The following LRRC53 variants were observed in gnomAD, a reference collection of about 807,000 sequenced individuals.
LRRC53 encodes leucine rich repeat containing 53, also known as leucine-rich repeat-containing protein 53.
LRRC53 carries 25 observed loss-of-function variants against 13.6 expected under a neutral mutation model. That is an observed-to-expected ratio of 1.83 (90% confidence interval 1.34 to 2.56). The LOEUF (loss-of-function observed/expected upper bound fraction) is 2.56. Among genes scored for constraint, LRRC53 ranks in the 30% most tolerant of loss-of-function variants. LRRC53 has a pLI of 0.00. For missense variants in LRRC53, 527 were observed against 275.8 expected (o/e 1.91, Z -6.45); for synonymous variants, 204 against 109.8 (o/e 1.86, Z -5.37).
chr1:74,532,733 C>T, the LRRC53 span, among the ~76,000 whole-genome samples: 1 of 150,110 alleles, frequency 6.7e-6, no homozygotes, highest in African/African-American at 2.5e-5. Context: ...ATCAATGGAA[C>T]AGAACAGAGC....
rs2100734999 is a variant in LRRC53 at position 74,470,449 on chromosome 1, C to T, written c.3173G>A (p.Gly1058Glu). The T allele has an allele frequency of 2.5e-6, 1 of 400,634 alleles. No individual in the cohort carries two copies. Among genetic ancestry groups the T allele is most frequent in the East Asian group, 3.6e-5 (1 of 28,064 alleles). 24.8% of individuals were successfully genotyped at this position (400,634 alleles called of 1,614,324 possible). The change falls in exon 5 of 5, where the codon GGA becomes GAA. Residue 1058 changes from glycine to glutamate, a missense_variant. Physicochemically the swap from Gly to Glu is moderately conservative, Grantham distance 98. Transcript: ENST00000294635. ...VWHLTNSSEK[G>E]IDSTNALPRN... Reference sequence around the variant, plus strand: ...GGGCAATGCATTTGTGCTGTCAATTCCTTTTTCGCTACTATTGGTTAGGTG... The same window carrying T: ...GGGCAATGCATTTGTGCTGTCAATTTCTTTTTCGCTACTATTGGTTAGGTG...
At chr1:74,507,924 G>A (rs1439639834) in intron 1 of LRRC53, among the ~76,000 whole-genome samples, 1 of 152,174 alleles carries the variant, frequency 6.6e-6, no homozygotes, top group African/African-American at 2.4e-5. Context: ...TCCCTATATT[G>A]TGCTGGGAGT....
chr1:74,494,961 C>T (rs1669252610), intron 1 of LRRC53, among the ~76,000 whole-genome samples: 1 of 152,104 alleles, frequency 6.6e-6, no homozygotes, highest in Non-Finnish European at 1.5e-5. Context: ...CCCAGTTAGG[C>T]AAATGAAGGG....
chr1:74,535,815 A>G, the LRRC53 span, among the ~76,000 whole-genome samples: 3 of 152,300 alleles, frequency 2.0e-5, no homozygotes, highest in Admixed American at 1.3e-4. Context: ...GTCAGTCACA[A>G]TTGAATCTAA....
chr1:74,502,987 G>A (rs1669711672), intron 1 of LRRC53, among the ~76,000 whole-genome samples: 1 of 152,216 alleles, frequency 6.6e-6, no homozygotes, highest in African/African-American at 2.4e-5. Context: ...TGACACTTGT[G>A]GACTAGCTTT....
At chr1:74,472,240 A>G in intron 4 of LRRC53, 39 bp from the exon 5 acceptor site, 1 of 713,544 alleles carries the variant, frequency 1.4e-6, no homozygotes. Context: ...CACTTAGCAG[A>G]GTTTTATTAC....
intron 4 of LRRC53, among the ~76,000 whole-genome samples, chr1:74,472,406 G>A (rs1463949000): frequency 6.6e-6 from 1 of 152,162 alleles, no homozygotes; most frequent in Non-Finnish European, 1.5e-5. Flanking sequence ...TGGTCACACT[G>A]CAGTCAGTTG....
rs1668443913 is a variant in LRRC53 at position 74,480,649 on chromosome 1, G to A, written c.408C>T (p.Leu136=). The A allele has an allele frequency of 1.4e-6, 1 of 717,188 alleles. No individual in the cohort carries two copies. The highest frequency in any genetic ancestry group is 2.6e-6 in the Non-Finnish European group (1 of 385,102). 44.4% of individuals were successfully genotyped at this position (717,188 alleles called of 1,614,324 possible). A position where few individuals can be genotyped will look rare whatever the true frequency, so the allele number is the denominator to read the frequency against. Residue 136 remains leucine, a synonymous_variant, in exon 3 of 5, where the codon CTC becomes CTT. Coordinates refer to ENST00000294635, the MANE Select transcript of LRRC53 (RefSeq NM_001382280.1). ...TAGTAATCTGATTCCCATCCAGCTG[G>A]AGCCGGGTCAGGCCGCTTGTGTTTC... ...WFRNTSGLTR[L]QLDGNQITNL... is the part of the protein sequence containing the mutation.
chr1:74,533,581 T>C, the LRRC53 span, among the ~76,000 whole-genome samples: 1 of 152,160 alleles, frequency 6.6e-6, no homozygotes, highest in East Asian at 1.9e-4. Flanking sequence ...CAAAGGACTA[T>C]AAATCATGCT....
intron 4 of LRRC53, among the ~76,000 whole-genome samples, chr1:74,473,022 C>T (rs576864183): frequency 2.6e-5 from 4 of 152,200 alleles, no homozygotes; most frequent in East Asian, 1.9e-4. Flanking sequence ...CCTATAGGCA[C>T]ATGTGGAAGA....
chr1:74,536,055 G>C, the LRRC53 span, among the ~76,000 whole-genome samples: 2 of 152,122 alleles, frequency 1.3e-5, no homozygotes, highest in Non-Finnish European at 2.9e-5. Flanking sequence ...GAAAACTTCT[G>C]TTTAAATCAT....
At chr1:74,527,964 G>A in the LRRC53 span, among the ~76,000 whole-genome samples, 1 of 152,188 alleles carries the variant, frequency 6.6e-6, no homozygotes, top group Non-Finnish European at 1.5e-5. Context: ...TTCCACAGGA[G>A]GTTGGGGCTG....
At chr1:74,484,643 A>G (rs1177155155) in intron 1 of LRRC53, among the ~76,000 whole-genome samples, 1 of 152,172 alleles carries the variant, frequency 6.6e-6, no homozygotes, top group Non-Finnish European at 1.5e-5. Context: ...GGTGGAGAGG[A>G]TCCAATGCAA....
the LRRC53 span, among the ~76,000 whole-genome samples, chr1:74,536,411 C>T: frequency 6.6e-6 from 1 of 152,090 alleles, no homozygotes; most frequent in Non-Finnish European, 1.5e-5. Flanking sequence ...ATCTATACCC[C>T]TAAAGCATGA....
At chr1:74,491,164 G>A (rs1669053830) in intron 1 of LRRC53, among the ~76,000 whole-genome samples, 1 of 152,156 alleles carries the variant, frequency 6.6e-6, no homozygotes, top group Admixed American at 6.5e-5. Context: ...CCGGTTGAAG[G>A]AGCTAATGAT....
At chr1:74,532,396 G>A in the LRRC53 span, among the ~76,000 whole-genome samples, 1 of 152,120 alleles carries the variant, frequency 6.6e-6, no homozygotes, top group Non-Finnish European at 1.5e-5. Context: ...TATCAGCTCT[G>A]TAATTCAATG....
the LRRC53 span, among the ~76,000 whole-genome samples, chr1:74,532,748 A>G: frequency 6.6e-6 from 1 of 152,032 alleles, no homozygotes; most frequent in Non-Finnish European, 1.5e-5. Context: ...CAGAGCCCTC[A>G]GAAATAATGC....
the LRRC53 span, among the ~76,000 whole-genome samples, chr1:74,520,614 C>CAA: frequency 4.8e-5 from 7 of 147,144 alleles, no homozygotes; most frequent in African/African-American, 1.7e-4. Flanking sequence ...CTCACAACTT[C>CAA]AAAAAAAAAA....
intron 4 of LRRC53, among the ~76,000 whole-genome samples, chr1:74,474,231 A>C (rs1191016448): frequency 6.6e-6 from 1 of 152,150 alleles, no homozygotes; most frequent in Non-Finnish European, 1.5e-5. Context: ...GATCTGCCTA[A>C]GGTATGATTC....
Sources: gnomAD v4.1 joint callset for allele counts (sites outside exome capture counted in the v4.1 genomes callset) on GRCh38, gnomAD v4.1.1 for gene constraint, MANE v1.5 for transcripts, NCBI Gene and HGNC (gene_info 2026-07-23, HGNC 2026-07-21) for gene names.